The following MYL9 variants were observed in gnomAD, a reference collection of about 807,000 sequenced individuals.
MYL9 encodes myosin light chain 9.
MYL9 carries 7 observed loss-of-function variants against 12.8 expected under a neutral mutation model. The observed-to-expected ratio is 0.55, with a 90% CI of 0.31 to 1.03. The LOEUF is 1.03. MYL9 is among the 50% of genes least tolerant of loss of function. The pLI is 0.05. For missense variants in MYL9, 190 were observed against 242.7 expected (o/e 0.78, Z 1.44); for synonymous variants, 81 against 87.8 (o/e 0.92, Z 0.43).
intron 2 of MYL9, 35 bp from the exon 3 acceptor site, chr20:36,547,997 C>A: frequency 6.4e-7 from 1 of 1,572,306 alleles, no homozygotes; most frequent in Non-Finnish European, 8.7e-7. Context: ...ACAGAGGGCC[C>A]AGGACCACAG....
chr20:36,547,880 G>A, intron 2 of MYL9, 152 bp from the exon 3 acceptor site: 3 of 982,590 alleles, frequency 3.1e-6, no homozygotes, highest in Non-Finnish European at 4.3e-6. Flanking sequence ...TGCTGTGGCT[G>A]CGCTAGAGCC....
chr20:36,547,862 G>T (rs2038118818), intron 2 of MYL9, among the ~76,000 whole-genome samples, 170 bp from the exon 3 acceptor site: 1 of 152,190 alleles, frequency 6.6e-6, no homozygotes, highest in Admixed American at 6.5e-5. Flanking sequence ...GGGACTCCGG[G>T]CGCCCACTGC....
chr20:36,544,418 G>A lies in MYL9; in HGVS notation c.-26-441G>A, dbSNP rs527775278. Among the ~76,000 whole-genome samples, 208 of 152,276 alleles carry A rather than the reference G, an allele frequency of 1.4e-3. 1 individual carries two copies. The highest frequency in any genetic ancestry group is 4.8e-3 in the African/African-American group (200 of 41,536). On this transcript the variant is annotated intron_variant, in intron 1 of 3. Coordinates refer to ENST00000279022, the MANE Select transcript of MYL9 (RefSeq NM_006097.5). ...CAGGAGAGCCCTCACTGACTCCCAC[G>A]AGTGGACCCACCTTGTCACTTGGAA... is the stretch of plus-strand genomic sequence containing the variant.
At chr20:36,546,459 C>T (rs917941586) in intron 2 of MYL9, among the ~76,000 whole-genome samples, 3 of 152,110 alleles carry the variant, frequency 2.0e-5, no homozygotes, top group African/African-American at 4.8e-5. Flanking sequence ...CATTTCCCCA[C>T]GAGGCACTGA....
Position 36,549,246 on chromosome 20 carries a change from C to T in MYL9, c.516C>T (p.Asp172=), listed in dbSNP as rs997013789. 7.4e-6 allele frequency: 12 copies of T among 1,611,938 alleles called. No individual in the cohort carries two copies. Among genetic ancestry groups the T allele is most frequent in the Non-Finnish European group, 1.0e-5 (12 of 1,179,416 alleles). The change falls in exon 4 of 4, where the codon GAC becomes GAT. Residue 172 remains aspartate, a synonymous_variant. Coordinates refer to ENST00000279022, the MANE Select transcript of MYL9 (RefSeq NM_006097.5). ...AACATGGCGCCAAGGATAAAGACGACTAGGCCACCCCAGCCCCCTGACACC... is the reference window on the plus strand; with the variant it reads ...AACATGGCGCCAAGGATAAAGACGATTAGGCCACCCCAGCCCCCTGACACC... ...ILKHGAKDKD[D]
chr20:36,545,753 A>G (rs973487535), intron 2 of MYL9, among the ~76,000 whole-genome samples: 1 of 151,268 alleles, frequency 6.6e-6, no homozygotes, highest in African/African-American at 2.4e-5. Flanking sequence ...ACATGGTGAA[A>G]CCCCGTCTCT....
chr20:36,543,773 G>T (rs986813426), intron 1 of MYL9, among the ~76,000 whole-genome samples: 1 of 152,174 alleles, frequency 6.6e-6, no homozygotes, highest in African/African-American at 2.4e-5. Flanking sequence ...TGGAAGCAAG[G>T]GTACAGGGAA....
chr20:36,547,965 G>A (rs1405736260), intron 2 of MYL9, 67 bp from the exon 3 acceptor site: 17 of 1,507,938 alleles, frequency 1.1e-5, no homozygotes, highest in South Asian at 2.6e-5. Context: ...GGGGACGGGG[G>A]TGCAAGTTGT....
At chr20:36,545,240 G>T (rs369973714) in intron 2 of MYL9, among the ~76,000 whole-genome samples, 172 bp downstream of exon 2, 4 of 152,340 alleles carry the variant, frequency 2.6e-5, no homozygotes, top group African/African-American at 7.2e-5. Flanking sequence ...GCTCACGCCT[G>T]TAATCCCAGC....
In MYL9 at chr20:36,548,025, G is replaced by A. The variant is rs1194840707; in HGVS notation, c.185-7G>A. ...GACCACAGGCTGGAACACCCCACCT[G>A]CCACAGGGAAGAACCCCACAGACGA... On this transcript the variant is annotated splice_region_variant and splice_polypyrimidine_tract_variant and intron_variant, in intron 2 of 3. Transcript: ENST00000279022. 2 of 1,599,506 alleles carry A rather than the reference G, an allele frequency of 1.3e-6. No homozygotes were observed. Among genetic ancestry groups the A allele is most frequent in the Admixed American group, 3.4e-5 (2 of 58,664 alleles).
intron 1 of MYL9, among the ~76,000 whole-genome samples, chr20:36,544,221 T>TG: frequency 6.6e-6 from 1 of 152,076 alleles, no homozygotes; most frequent in Non-Finnish European, 1.5e-5. Flanking sequence ...CACTCACCAC[T>TG]GGGGGGCTGG....
intron 1 of MYL9, among the ~76,000 whole-genome samples, chr20:36,543,062 C>T (rs1040373224): frequency 7.2e-5 from 11 of 152,192 alleles, no homozygotes; most frequent in Admixed American, 7.2e-4. Flanking sequence ...TCAAAGTTCC[C>T]GAGAACACTG....
chr20:36,544,392 C>T (rs1325782475), intron 1 of MYL9, among the ~76,000 whole-genome samples: 1 of 151,986 alleles, frequency 6.6e-6, no homozygotes, highest in African/African-American at 2.4e-5. Flanking sequence ...GGATGGCAGC[C>T]CAGGAGAGCC....
At chr20:36,545,486 G>A (rs2038086510) in intron 2 of MYL9, among the ~76,000 whole-genome samples, 1 of 140,634 alleles carries the variant, frequency 7.1e-6, no homozygotes, top group Admixed American at 7.3e-5. Flanking sequence ...AACAGAGCGA[G>A]ACTCCATCTC....
chr20:36,549,088 G>A lies in MYL9; in HGVS notation c.358G>A (p.Glu120Lys). 6.2e-7 allele frequency: 1 copy of A among 1,612,788 alleles called. No individual in the cohort carries two copies. The highest frequency in any genetic ancestry group is 8.5e-7 in the Non-Finnish European group (1 of 1,179,772). The part of the protein sequence containing the change: ...FDEEASGFIH[E>K]DHLRELLTTM... ...GCCCCTGCCCGCAGGTTTCATCCATGAGGACCACCTCCGGGAGCTGCTCAC... is the reference window on the plus strand; with the variant it reads ...GCCCCTGCCCGCAGGTTTCATCCATAAGGACCACCTCCGGGAGCTGCTCAC... Residue 120 changes from glutamate to lysine, a missense_variant, in exon 4 of 4, where the codon GAG (glutamate) becomes AAG (lysine). Transcript: ENST00000279022.
At chr20:36,543,049 G>A (rs548989158) in intron 1 of MYL9, among the ~76,000 whole-genome samples, 5 of 152,312 alleles carry the variant, frequency 3.3e-5, no homozygotes, top group East Asian at 1.9e-4. Context: ...TGGGCACCAG[G>A]AGTCAAAGTT....
At chr20:36,545,467 A>C (rs1176581193) in intron 2 of MYL9, among the ~76,000 whole-genome samples, 3 of 149,798 alleles carry the variant, frequency 2.0e-5, no homozygotes, top group Admixed American at 2.0e-4. Context: ...ACTGCACTCC[A>C]GCCTGGGCAA....
chr20:36,545,570 A>T (rs1222777205), intron 2 of MYL9, among the ~76,000 whole-genome samples: 1 of 151,226 alleles, frequency 6.6e-6, no homozygotes. Context: ...AGACAGGCTG[A>T]CTCCACAGTG....
At chr20:36,548,647 C>G (rs556748236) in intron 3 of MYL9, among the ~76,000 whole-genome samples, 2 of 152,346 alleles carry the variant, frequency 1.3e-5, no homozygotes, top group Admixed American at 1.3e-4. Flanking sequence ...ATACGTTCAT[C>G]CCTGTTTTCT....
Sources: allele counts gnomAD v4.1 joint callset (sites outside exome capture counted in the v4.1 genomes callset), GRCh38; gene constraint gnomAD v4.1.1; transcripts MANE v1.5; gene names NCBI Gene and HGNC (gene_info 2026-07-23, HGNC 2026-07-21).